WDR37: variants seen among roughly 807,000 people sequenced by gnomAD.
WDR37 encodes the protein WD repeat-containing protein 37.
Under a neutral mutation model 62.9 loss-of-function variants are expected in WDR37, and 19 were observed. The ratio of observed to expected loss-of-function variants is 0.30; its 90% CI spans 0.21 to 0.44. The LOEUF (loss-of-function observed/expected upper bound fraction) is 0.44, where lower values mean the gene tolerates loss of function less well. Among genes scored for constraint, WDR37 ranks in the 20% least tolerant of loss-of-function variants. The pLI, the probability that WDR37 is intolerant of heterozygous loss-of-function variation, is 1.00. For missense variants in WDR37, 474 were observed against 657.6 expected (o/e 0.72, Z 3.05); for synonymous variants, 250 against 260.9 (o/e 0.96, Z 0.40).
At chr10:1,124,735 C>T (rs934558136) in intron 12 of WDR37, among the ~76,000 whole-genome samples, 175 bp from the exon 13 acceptor site, 11 of 151,610 alleles carry the variant, frequency 7.3e-5, no homozygotes, top group Non-Finnish European at 1.2e-4. Flanking sequence ...CTTGTAGCTA[C>T]GTGTGAGTAA....
At chr10:1,107,852 G>A (rs111533957) in intron 11 of WDR37, among the ~76,000 whole-genome samples, 1 of 151,406 alleles carries the variant, frequency 6.6e-6, no homozygotes, top group Non-Finnish European at 1.5e-5. Flanking sequence ...TGAAACACAC[G>A]CCCACTTCCC....
In WDR37 at chr10:1,131,097, T is replaced by G. The variant is rs1367117358; in HGVS notation, c.*1753T>G. 6.6e-6 allele frequency: 1 copy of G among 152,286 alleles called. No homozygotes were observed. Among genetic ancestry groups the G allele is most frequent in the Non-Finnish European group, 1.5e-5 (1 of 68,076 alleles). 9.4% of individuals were successfully genotyped at this position (152,286 alleles called of 1,614,324 possible). A position where few individuals can be genotyped will look rare whatever the true frequency, so the allele number is the denominator to read the frequency against. On this transcript the variant is annotated 3_prime_UTR_variant, in exon 14 of 14. Transcript: ENST00000263150. ...AGTCCACCTGGTCCCTCTGGTTGAT[T>G]AGAATCTCAGGTTTCAGCTCCTGCT... is the stretch of plus-strand genomic sequence containing the variant.
At position 1,105,168 on chromosome 10, in the gene WDR37, A is replaced by T. The variant is rs369184457; in HGVS notation, c.1004A>T (p.Gln335Leu). 2 of 1,613,948 alleles carry T rather than the reference A, an allele frequency of 1.2e-6. No individual in the cohort carries two copies. Among genetic ancestry groups the T allele is most frequent in the Non-Finnish European group, 1.7e-6 (2 of 1,180,006 alleles). ...ELTHCCTHPT[Q>L]RLVVTSSRDT... ...ACGCACTGCTGCACACACCCCACCC[A>T]GCGGCTCGTGGTGACCTCCTCCCGT... Residue 335 changes from glutamine to leucine, a missense_variant, in exon 11 of 14, where the codon CAG (glutamine) becomes CTG (leucine). Coordinates refer to ENST00000263150, the MANE Select transcript of WDR37 (RefSeq NM_014023.4). This position sits in a 1 kb window ranked among gnomAD's most constrained non-coding sequence, Gnocchi z 5.3.
At chr10:1,098,997 T>C (rs1298553573) in intron 9 of WDR37, among the ~76,000 whole-genome samples, 1 of 152,258 alleles carries the variant, frequency 6.6e-6, no homozygotes, top group East Asian at 1.9e-4. Flanking sequence ...GTATCTTTCA[T>C]GGACGTTTAT....
chr10:1,091,809 C>T (rs1834395898), intron 7 of WDR37, among the ~76,000 whole-genome samples: 1 of 152,190 alleles, frequency 6.6e-6, no homozygotes, highest in African/African-American at 2.4e-5. Flanking sequence ...TTGCTGACCA[C>T]ATGTCAAGCT....
intron 7 of WDR37, among the ~76,000 whole-genome samples, chr10:1,087,416 G>A (rs1411876157): frequency 6.6e-6 from 1 of 152,152 alleles, no homozygotes; most frequent in Admixed American, 6.5e-5. Flanking sequence ...CTTCAGAAAC[G>A]TTAAAAAAAT....
chr10:1,080,073 G>C lies in WDR37; in HGVS notation c.298G>C (p.Ala100Pro). Residue 100 changes from alanine to proline, a missense_variant, in exon 4 of 14, where the codon GCA (alanine) becomes CCA (proline). Physicochemically the swap from Ala to Pro is conservative, Grantham distance 27. Coordinates refer to ENST00000263150, the MANE Select transcript of WDR37 (RefSeq NM_014023.4). The part of the protein sequence containing the change: ...LAAEGQAIDG[A>P]ELSKGQLKTK... ...TGCTGAAGGACAAGCGATTGATGGA[G>C]CAGAGCTGAGTAAGGGCCAACTCAA... 1 of 1,614,162 alleles carries C rather than the reference G, an allele frequency of 6.2e-7. No homozygotes were observed. The highest frequency in any genetic ancestry group is 8.5e-7 in the Non-Finnish European group (1 of 1,180,028).
At chr10:1,075,381 A>G (rs1251614060) in intron 2 of WDR37, among the ~76,000 whole-genome samples, 1 of 151,152 alleles carries the variant, frequency 6.6e-6, no homozygotes, top group East Asian at 1.9e-4. Flanking sequence ...TGCTGCACCC[A>G]TCAACCTGTC....
At chr10:1,069,332 A>T (rs1447608323) in intron 1 of WDR37, among the ~76,000 whole-genome samples, 1 of 145,944 alleles carries the variant, frequency 6.9e-6, no homozygotes, top group Admixed American at 7.0e-5. Flanking sequence ...ATTATTGTTC[A>T]TGGCAACTTT....
chr10:1,087,531 A>G (rs375614810), intron 7 of WDR37, among the ~76,000 whole-genome samples: 15 of 152,348 alleles, frequency 9.8e-5, no homozygotes, highest in African/African-American at 3.6e-4. Flanking sequence ...TGAAATCAGC[A>G]TTCATCTTGT....
Position 1,066,373 on chromosome 10 carries a change from C to T in WDR37, c.-40-5743C>T, listed in dbSNP as rs777830710. Reference sequence around the variant, plus strand: ...CCTTGTGATCCGTCCACCTTGACCTCCCAAAGTGCTGGGATTATAGGCGTG... The same window carrying T: ...CCTTGTGATCCGTCCACCTTGACCTTCCAAAGTGCTGGGATTATAGGCGTG... On this transcript the variant is annotated intron_variant, in intron 1 of 13. Transcript: ENST00000263150. Among the ~76,000 whole-genome samples the T allele has an allele frequency of 3.2e-4, 48 of 152,220 alleles. 1 individual carries two copies. Among genetic ancestry groups the T allele is most frequent in the Non-Finnish European group, 1.8e-4 (12 of 68,032 alleles).
At chr10:1,086,773 G>A (rs753958571) in intron 7 of WDR37, among the ~76,000 whole-genome samples, 8 of 152,062 alleles carry the variant, frequency 5.3e-5, no homozygotes, top group South Asian at 2.1e-4. Context: ...TGCTGTCCAC[G>A]GAGTGAATGC....
At chr10:1,072,603 C>T (rs140180200) in intron 2 of WDR37, among the ~76,000 whole-genome samples, 10 of 152,222 alleles carry the variant, frequency 6.6e-5, no homozygotes, top group South Asian at 2.1e-4. Flanking sequence ...CGTGAGCCAC[C>T]GGCCCCGGGA....
rs370750793 is a variant in WDR37 at position 1,080,495 on chromosome 10, C to T, written c.396+19C>T. 4.3e-5 allele frequency: 69 copies of T among 1,613,826 alleles called. No individual in the cohort carries two copies. The African/African-American group carries it at 8.0e-4, about 19-fold the overall frequency. On this transcript the variant is annotated intron_variant, in intron 5 of 13. Transcript: ENST00000263150. ...CAGCAAGGTATGCAGGCCACTGGCT[C>T]TTGAGCCATCATGTGGTGGTTAAGG... is the stretch of plus-strand genomic sequence containing the variant.
intron 13 of WDR37, among the ~76,000 whole-genome samples, chr10:1,126,277 G>A (rs544889529): frequency 0.015 from 2,314 of 151,980 alleles, 31 homozygotes; most frequent in South Asian, 0.048. Flanking sequence ...GTGGTGGCGG[G>A]CGTCTGTAGT....
chr10:1,126,388 A>G (rs1257172620), intron 13 of WDR37, among the ~76,000 whole-genome samples: 11 of 147,232 alleles, frequency 7.5e-5, no homozygotes, highest in African/African-American at 2.1e-4. Context: ...CCTGGGCGAC[A>G]GAGCGAGACT....
At position 1,066,264 on chromosome 10, in the gene WDR37, T is replaced by C. The variant is rs182100538; in HGVS notation, c.-40-5852T>C. Among the ~76,000 whole-genome samples, 688 of 152,212 alleles carry C rather than the reference T, an allele frequency of 4.5e-3. 8 individuals are homozygous for C. Among genetic ancestry groups the C allele is most frequent in the East Asian group, 7.1e-3 (37 of 5,176 alleles). On this transcript the variant is annotated intron_variant, in intron 1 of 13. Transcript: ENST00000263150. ...CTGAGTATCTGGGACTACAGGTGCC[T>C]GCCACCACGCCCTGCTAATTTTTTG...
intron 1 of WDR37, among the ~76,000 whole-genome samples, chr10:1,068,466 AAAAC>A (rs935829729): frequency 4.6e-5 from 7 of 152,070 alleles, no homozygotes; most frequent in South Asian, 4.2e-4. Flanking sequence ...AAAAAACAAA[AAAAC>A]AAACAGTGTT....
At chr10:1,109,881 T>G (rs1368039375) in intron 11 of WDR37, among the ~76,000 whole-genome samples, 1 of 152,224 alleles carries the variant, frequency 6.6e-6, no homozygotes, top group Non-Finnish European at 1.5e-5. Context: ...AGGGTTTATG[T>G]CTTCCTATTG....
Sources: allele counts gnomAD v4.1 joint callset (sites outside exome capture counted in the v4.1 genomes callset), GRCh38; gene constraint gnomAD v4.1.1; non-coding constraint Gnocchi (gnomAD v3.1); transcripts MANE v1.5; gene names NCBI Gene and HGNC (gene_info 2026-07-23, HGNC 2026-07-21).